Variants in DOCK8 observed in about 807,000 individuals in gnomAD.
DOCK8 encodes the protein dedicator of cytokinesis protein 8.
Under a neutral mutation model 245.6 loss-of-function variants are expected in DOCK8, and 141 were observed. That is an observed-to-expected ratio of 0.57 (90% CI 0.50 to 0.66). The LOEUF is 0.66. DOCK8 is among the 30% of genes least tolerant of loss of function. The pLI, the probability that DOCK8 is intolerant of heterozygous loss-of-function variation, is 0.00. For missense variants in DOCK8, 2,965 were observed against 2,603.4 expected (o/e 1.14, Z -3.02); for synonymous variants, 1,168 against 970.2 (o/e 1.20, Z -3.79).
intron 24 of DOCK8, among the ~76,000 whole-genome samples, chr9:394,922 G>A (rs983832761): frequency 3.3e-5 from 5 of 152,204 alleles, no homozygotes; most frequent in African/African-American, 1.2e-4. Context: ...TGAGAATTAT[G>A]TATTTGGTTG....
chr9:407,157 T>C, intron 28 of DOCK8, 88 bp downstream of exon 28: 2 of 1,574,526 alleles, frequency 1.3e-6, no homozygotes, highest in Non-Finnish European at 1.7e-6. Flanking sequence ...TCACACTTGG[T>C]AAAAAACTCT....
At chr9:411,181 G>T (rs1351349415) in intron 28 of DOCK8, among the ~76,000 whole-genome samples, 1 of 152,132 alleles carries the variant, frequency 6.6e-6, no homozygotes, top group African/African-American at 2.4e-5. Flanking sequence ...GGGTGGCCAA[G>T]GCGAGTGGAT....
chr9:446,450 T>C lies in DOCK8; in HGVS notation c.5661T>C (p.Asn1887=). 6.2e-7 allele frequency: 1 copy of C among 1,614,214 alleles called. No individual in the cohort carries two copies. Among genetic ancestry groups the C allele is most frequent in the Non-Finnish European group, 8.5e-7 (1 of 1,180,036 alleles). ...MKDRVTYFEK[N]FNLRRFMYTT... ...ACAGGGTCACATACTTTGAGAAGAA[T>C]TTCAACCTCCGGAGGTTCATGTACA... The change falls in exon 44 of 48, where the codon AAT becomes AAC. Residue 1887 remains asparagine (N), a synonymous_variant. Transcript: ENST00000432829.
At chr9:407,093 G>A (rs1458150115) in intron 28 of DOCK8, 24 bp downstream of exon 28, 9 of 1,613,976 alleles carry the variant, frequency 5.6e-6, no homozygotes, top group Non-Finnish European at 6.8e-6. Context: ...ATTTAAAATG[G>A]AAGATGAAGC....
intron 6 of DOCK8, among the ~76,000 whole-genome samples, chr9:315,908 A>C (rs1310072862): frequency 2.0e-5 from 3 of 152,136 alleles, no homozygotes; most frequent in African/African-American, 7.2e-5. Context: ...TTCCCTTTAG[A>C]TATGTCTGTT....
At chr9:355,354 C>T (rs2052385866) in intron 14 of DOCK8, among the ~76,000 whole-genome samples, 2 of 152,018 alleles carry the variant, frequency 1.3e-5, no homozygotes, top group Admixed American at 1.3e-4. Flanking sequence ...CAGGCATGTG[C>T]CACCACGCCC....
chr9:259,240 C>T (rs1183912403), intron 1 of DOCK8, among the ~76,000 whole-genome samples: 1 of 152,052 alleles, frequency 6.6e-6, no homozygotes, highest in Non-Finnish European at 1.5e-5. Context: ...GAGTTTGAGG[C>T]TGCAGTGAGC....
intron 11 of DOCK8, among the ~76,000 whole-genome samples, chr9:335,760 G>T (rs1280972605): frequency 6.6e-6 from 1 of 152,140 alleles, no homozygotes; most frequent in Non-Finnish European, 1.5e-5. Context: ...GCAACCAGAA[G>T]ATGCAAAGAT....
Position 396,781 on chromosome 9 carries a change from G to A in DOCK8, c.2971-4G>A, listed in dbSNP as rs186097329. On this transcript the variant is annotated splice_region_variant and splice_polypyrimidine_tract_variant and intron_variant, in intron 24 of 47. Coordinates refer to ENST00000432829, the MANE Select transcript of DOCK8 (RefSeq NM_203447.4). The stretch of plus-strand genomic sequence containing the variant: ...GTTGACATTTCCTCCATCCCCCTCC[G>A]CAGGTGAAAAGCATGGCCCAGCACG... 1,200 of 1,614,044 alleles carry A rather than the reference G, an allele frequency of 7.4e-4. No individual in the cohort carries two copies. Among genetic ancestry groups the A allele is most frequent in the Non-Finnish European group, 9.0e-4 (1,061 of 1,180,018 alleles).
chr9:419,111 G>GAC (rs1426114205), intron 30 of DOCK8, among the ~76,000 whole-genome samples: 1 of 152,198 alleles, frequency 6.6e-6, no homozygotes, highest in African/African-American at 2.4e-5. Context: ...CCCTTGTGAA[G>GAC]ACAGCACTGC....
intron 16 of DOCK8, among the ~76,000 whole-genome samples, chr9:370,523 A>G (rs1006641389): frequency 1.3e-5 from 2 of 152,190 alleles, no homozygotes; most frequent in Non-Finnish European, 2.9e-5. Flanking sequence ...TATAGTTTTG[A>G]CTTTTCCAGA....
chr9:267,076 G>A (rs572819497), intron 1 of DOCK8, among the ~76,000 whole-genome samples: 1 of 152,254 alleles, frequency 6.6e-6, no homozygotes, highest in East Asian at 1.9e-4. Flanking sequence ...TTGGACATTG[G>A]GGTGCTATAT....
chr9:418,045 C>G, intron 29 of DOCK8, 23 bp from the exon 30 acceptor site: 3 of 1,614,066 alleles, frequency 1.9e-6, no homozygotes, highest in Non-Finnish European at 2.5e-6. Context: ...GACTTGACAT[C>G]ACAAACGATG....
intron 15 of DOCK8, chr9:368,763 T>A (rs1563972958): frequency 6.6e-6 from 1 of 151,660 alleles, no homozygotes; most frequent in East Asian, 1.9e-4. Context: ...GGTGGTTAGC[T>A]ATTACTATTT....
intron 4 of DOCK8, among the ~76,000 whole-genome samples, chr9:295,598 A>G (rs2049228866): frequency 6.6e-6 from 1 of 152,148 alleles, no homozygotes; most frequent in Non-Finnish European, 1.5e-5. Flanking sequence ...CCTCTGGAGG[A>G]CCATACTTAG....
At chr9:373,411 A>G (rs1482833600) in intron 18 of DOCK8, among the ~76,000 whole-genome samples, 7 of 152,234 alleles carry the variant, frequency 4.6e-5, no homozygotes, top group South Asian at 2.1e-4. Context: ...ATTTCTTAGT[A>G]TCATCAAATA....
At chr9:405,171 A>G in intron 27 of DOCK8, 98 bp downstream of exon 27, 1 of 1,289,334 alleles carries the variant, frequency 7.8e-7, no homozygotes, top group Non-Finnish European at 1.1e-6. Flanking sequence ...AGTCTTATTA[A>G]TTTGACAAAA....
At chr9:409,071 A>G (rs909036453) in intron 28 of DOCK8, among the ~76,000 whole-genome samples, 3 of 151,942 alleles carry the variant, frequency 2.0e-5, no homozygotes, top group South Asian at 2.1e-4. Context: ...GAAAAATGTC[A>G]TGCTTCAACA....
chr9:381,831 G>T (rs928069099), intron 21 of DOCK8, among the ~76,000 whole-genome samples: 1 of 152,006 alleles, frequency 6.6e-6, no homozygotes, highest in African/African-American at 2.4e-5. Context: ...GTGGTGGCGG[G>T]TGCCTGTAGT....
Sources: allele counts gnomAD v4.1 joint callset (sites outside exome capture counted in the v4.1 genomes callset), GRCh38; gene constraint gnomAD v4.1.1; transcripts MANE v1.5; gene names NCBI Gene and HGNC (gene_info 2026-07-23, HGNC 2026-07-21).